The following C7 variants were observed in gnomAD, a reference collection of about 807,000 sequenced individuals.
C7 encodes the protein complement component C7.
A neutral mutation model predicts 104.8 loss-of-function variants in C7; 83 were observed. That is an observed-to-expected ratio of 0.79 (90% CI 0.66 to 0.95). The LOEUF (loss-of-function observed/expected upper bound fraction) is 0.95. C7 is among the 40% of genes least tolerant of loss of function. C7 has a pLI of 0.00. For missense variants in C7, 1,070 were observed against 1,011.2 expected (o/e 1.06, Z -0.79); for synonymous variants, 415 against 360.6 (o/e 1.15, Z -1.71).
chr5:40,912,063 A>G (rs1739220717), intron 1 of C7, among the ~76,000 whole-genome samples: 1 of 151,958 alleles, frequency 6.6e-6, no homozygotes. Flanking sequence ...TACTTCTTCA[A>G]CCAAGCAATT....
At position 40,936,357 on chromosome 5, in the gene C7, A is replaced by T; in HGVS notation, c.300A>T (p.Ser100=). 1 of 1,613,340 alleles carries T rather than the reference A, an allele frequency of 6.2e-7. No individual in the cohort carries two copies. Among genetic ancestry groups the T allele is most frequent in the African/African-American group, 1.3e-5 (1 of 74,984 alleles). ...RCFSGQCISK[S]LVCNGDSDCD... ...GTTCAGGTCAGTGCATCAGCAAATCATTGGTTTGCAATGGGGATTCTGACT... is the reference window on the plus strand; with the variant it reads ...GTTCAGGTCAGTGCATCAGCAAATCTTTGGTTTGCAATGGGGATTCTGACT... Residue 100 remains serine, a synonymous_variant, in exon 5 of 18, where the codon TCA becomes TCT. Coordinates refer to ENST00000313164, the MANE Select transcript of C7 (RefSeq NM_000587.4).
At chr5:40,975,870 A>G (rs943673115) in intron 15 of C7, among the ~76,000 whole-genome samples, 3 of 152,228 alleles carry the variant, frequency 2.0e-5, no homozygotes, top group Non-Finnish European at 4.4e-5. Context: ...ACCTTTATAG[A>G]TATAGTAAAT....
intron 3 of C7, among the ~76,000 whole-genome samples, chr5:40,932,109 C>A (rs1739697235): frequency 6.6e-6 from 1 of 152,006 alleles, no homozygotes; most frequent in African/African-American, 2.4e-5. Context: ...GGTATTTATT[C>A]CCTCAGCTCT....
At chr5:40,969,038 A>T (rs1160121191) in intron 14 of C7, among the ~76,000 whole-genome samples, 1 of 152,140 alleles carries the variant, frequency 6.6e-6, no homozygotes, top group Non-Finnish European at 1.5e-5. Flanking sequence ...GAGAGCGCCC[A>T]TCTACTTCCT....
intron 6 of C7, among the ~76,000 whole-genome samples, chr5:40,943,697 G>A (rs1017175663): frequency 5.4e-5 from 8 of 147,410 alleles, no homozygotes; most frequent in South Asian, 4.2e-4. Context: ...GTGTGTGTGT[G>A]TATATATATA....
Position 40,946,245 on chromosome 5 carries a change from A to G in C7, c.738+877A>G, listed in dbSNP as rs147796754. On this transcript the variant is annotated intron_variant, in intron 7 of 17. Coordinates refer to ENST00000313164, the MANE Select transcript of C7 (RefSeq NM_000587.4). ...AAATACTTCATTGTTTTGAAATACTAAAACCTTCCTCTTGAGAAATCTGAA... is the reference window on the plus strand; with the variant it reads ...AAATACTTCATTGTTTTGAAATACTGAAACCTTCCTCTTGAGAAATCTGAA... 1.1e-3 allele frequency among the ~76,000 whole-genome samples: 166 copies of G among 152,306 alleles called. 1 individual carries two copies. The highest frequency in any genetic ancestry group is 2.1e-3 in the Non-Finnish European group (141 of 68,010).
chr5:40,974,987 A>G (rs1225314065), intron 15 of C7, among the ~76,000 whole-genome samples: 2 of 152,196 alleles, frequency 1.3e-5, no homozygotes, highest in African/African-American at 4.8e-5. Flanking sequence ...TATGTCAATA[A>G]CATTCTGCAG....
Position 40,934,462 on chromosome 5 carries a change from T to C in C7, c.276T>C (p.Phe92=). 6.2e-7 allele frequency: 1 copy of C among 1,613,570 alleles called. No homozygotes were observed. The highest frequency in any genetic ancestry group is 2.2e-5 in the East Asian group (1 of 44,878). The change falls in exon 4 of 18, where the codon TTT becomes TTC. Residue 92 remains phenylalanine (F), a synonymous_variant. Coordinates refer to ENST00000313164, the MANE Select transcript of C7 (RefSeq NM_000587.4). ...EEGCGERFRC[F]SGQCISKSLV... is the part of the protein sequence containing the mutation. ...GATGTGGAGAGCGTTTCAGGTGCTT[T>C]TCAGGTAACTTGTTTTCCATAGGCT...
intron 1 of C7, among the ~76,000 whole-genome samples, chr5:40,925,771 G>T (rs994972969): frequency 5.9e-5 from 9 of 152,164 alleles, no homozygotes; most frequent in African/African-American, 2.2e-4. Flanking sequence ...ATGGCGGAAG[G>T]CAAACTGGGA....
rs530800348 is a variant in C7, at chr5:40,922,852, A to T, written c.7-5728A>T. ...TCAAAATGAATTAGACTTAAATGTAAAATGTGAAATTATGAAACAACTAGA... is the reference window on the plus strand; with the variant it reads ...TCAAAATGAATTAGACTTAAATGTATAATGTGAAATTATGAAACAACTAGA... On this transcript the variant is annotated intron_variant, in intron 1 of 17. Transcript: ENST00000313164. Among the ~76,000 whole-genome samples, 9 of 152,314 alleles carry T rather than the reference A, an allele frequency of 5.9e-5. No individual in the cohort carries two copies. The South Asian group carries it at 1.9e-3, about 32-fold the overall frequency.
At chr5:40,976,075 A>G (rs1464387461) in intron 15 of C7, among the ~76,000 whole-genome samples, 5 of 152,222 alleles carry the variant, frequency 3.3e-5, no homozygotes, top group Non-Finnish European at 7.3e-5. Flanking sequence ...ATGATGACTG[A>G]ATTGTCAGTT....
chr5:40,977,078 C>G (rs1324243788), intron 16 of C7, among the ~76,000 whole-genome samples: 1 of 152,178 alleles, frequency 6.6e-6, no homozygotes. Context: ...ACTACTCGAG[C>G]ACTGCTTGTT....
intron 6 of C7, among the ~76,000 whole-genome samples, chr5:40,938,574 T>C (rs2111603602): frequency 6.6e-6 from 1 of 152,338 alleles, no homozygotes; most frequent in African/African-American, 2.4e-5. Context: ...ATGTATGTAC[T>C]AAATTTTACT....
Position 40,984,144 on chromosome 5 carries a change from C to T in C7, c.*2571C>T, listed in dbSNP as rs1310486069. 1.3e-5 allele frequency among the ~76,000 whole-genome samples: 2 copies of T among 152,126 alleles called. No individual in the cohort carries two copies. Among genetic ancestry groups the T allele is most frequent in the African/African-American group, 4.8e-5 (2 of 41,418 alleles). The stretch of plus-strand genomic sequence containing the variant: ...CCTTCCTGTGACATCTTATGTATTT[C>T]CTAATTGATCAAAAGTAGTGCTGCT... On this transcript the variant is annotated 3_prime_UTR_variant, in exon 18 of 18. Transcript: ENST00000313164.
At chr5:40,936,236 T>C in intron 4 of C7, 102 bp from the exon 5 acceptor site, 2 of 893,518 alleles carry the variant, frequency 2.2e-6, no homozygotes, top group East Asian at 2.5e-5. Flanking sequence ...CATTGGCGTA[T>C]CAGTGCAGTG....
intron 9 of C7, among the ~76,000 whole-genome samples, chr5:40,953,112 GT>G: frequency 6.6e-6 from 1 of 152,082 alleles, no homozygotes. Context: ...ATTAAAAAGT[GT>G]TACTGTATAT....
intron 1 of C7, among the ~76,000 whole-genome samples, chr5:40,926,718 T>C (rs1349102666): frequency 1.3e-5 from 2 of 152,120 alleles, no homozygotes; most frequent in Admixed American, 1.3e-4. Flanking sequence ...GACCTGTACA[T>C]TGCAAATTAT....
intron 6 of C7, among the ~76,000 whole-genome samples, chr5:40,939,913 A>G (rs924844879): frequency 1.3e-5 from 2 of 152,318 alleles, no homozygotes; most frequent in East Asian, 3.9e-4. Context: ...CTTCCCCATC[A>G]CTGAATGTGA....
chr5:40,957,643 CG>C (rs957502119), intron 10 of C7, among the ~76,000 whole-genome samples: 46 of 151,980 alleles, frequency 3.0e-4, no homozygotes, highest in African/African-American at 1.1e-3. Context: ...TTAGTAGAGA[CG>C]GGGTTTCTCC....
Sources: allele counts gnomAD v4.1 joint callset (sites outside exome capture counted in the v4.1 genomes callset), GRCh38; gene constraint gnomAD v4.1.1; transcripts MANE v1.5; gene names NCBI Gene and HGNC (gene_info 2026-07-23, HGNC 2026-07-21).